BCKDHB: variants seen among roughly 807,000 people sequenced by gnomAD.
BCKDHB encodes the protein branched chain keto acid dehydrogenase E1 subunit beta, also known as 2-oxoisovalerate dehydrogenase subunit beta, mitochondrial.
In BCKDHB, 41 loss-of-function variants were observed where a neutral mutation model predicts 48.5. The observed-to-expected ratio is 0.85, with a 90% CI of 0.66 to 1.10. The LOEUF (loss-of-function observed/expected upper bound fraction) is 1.10. BCKDHB is among the 50% of genes least tolerant of loss of function. The pLI is 0.00. For missense variants in BCKDHB, 496 were observed against 494.2 expected, an observed-to-expected ratio of 1.00 and a Z score of -0.03; for synonymous variants, 201 against 174.8, an observed-to-expected ratio of 1.15 and a Z score of -1.18.
chr6:80,311,425 TGAA>T (rs1420860670), intron 9 of BCKDHB, among the ~76,000 whole-genome samples: 3 of 152,252 alleles, frequency 2.0e-5, no homozygotes, highest in Non-Finnish European at 2.9e-5. Flanking sequence ...CCTTTTGCTG[TGAA>T]GAAGCTCTTA....
chr6:80,343,652 C>T lies in BCKDHB; in HGVS notation c.1039-12C>T. ...AAATTCTTGAAGTTAAGCATCCTGA[C>T]TCTGTCTGCAGGAGGAATGTTTCTT... On this transcript the variant is annotated splice_polypyrimidine_tract_variant and intron_variant, in intron 9 of 9. Transcript: ENST00000320393. The T allele has an allele frequency of 1.2e-6, 2 of 1,613,908 alleles. No homozygotes were observed. The highest frequency in any genetic ancestry group is 1.7e-6 in the Non-Finnish European group (2 of 1,179,912).
At chr6:80,264,832 A>G (rs1361943312) in intron 8 of BCKDHB, among the ~76,000 whole-genome samples, 2 of 152,154 alleles carry the variant, frequency 1.3e-5, no homozygotes, top group Non-Finnish European at 2.9e-5. Context: ...AATTAGATGT[A>G]TTAAGCACCT....
the BCKDHB span, among the ~76,000 whole-genome samples, chr6:80,364,244 G>A: frequency 6.6e-6 from 1 of 152,086 alleles, no homozygotes; most frequent in Non-Finnish European, 1.5e-5. Flanking sequence ...GAAATGAATA[G>A]AACCAACTGA....
chr6:80,266,034 G>A (rs1309787229), intron 8 of BCKDHB, among the ~76,000 whole-genome samples: 1 of 152,072 alleles, frequency 6.6e-6, no homozygotes, highest in African/African-American at 2.4e-5. Context: ...TCCTGGAAGA[G>A]CCAGGAAGGG....
In BCKDHB at chr6:80,112,893, G is replaced by A. The variant is rs528763332; in HGVS notation, c.196+6004G>A. Among the ~76,000 whole-genome samples, 125 of 152,306 alleles carry A rather than the reference G, an allele frequency of 8.2e-4. 1 individual carries two copies. The highest frequency in any genetic ancestry group is 2.9e-3 in the African/African-American group (119 of 41,568). Reference sequence around the variant, plus strand: ...AAATTTGTTTTGTCCCTGGATGAAAGCCTCAACTTCTAGCATACTTATGAT... The same window carrying A: ...AAATTTGTTTTGTCCCTGGATGAAAACCTCAACTTCTAGCATACTTATGAT... On this transcript the variant is annotated intron_variant, in intron 1 of 9. Transcript: ENST00000320393.
chr6:80,405,055 TC>T, the BCKDHB span, among the ~76,000 whole-genome samples: 1 of 152,090 alleles, frequency 6.6e-6, no homozygotes, highest in Non-Finnish European at 1.5e-5. Context: ...TGGGTCCATT[TC>T]CTCTATAGTG....
intron 6 of BCKDHB, among the ~76,000 whole-genome samples, chr6:80,191,421 AT>A (rs1773889343): frequency 6.6e-6 from 1 of 152,126 alleles, no homozygotes; most frequent in South Asian, 2.1e-4. Context: ...TATTGGATTT[AT>A]GAAAACTGAG....
chr6:80,323,134 G>C (rs1384743490), intron 9 of BCKDHB, among the ~76,000 whole-genome samples: 1 of 151,978 alleles, frequency 6.6e-6, no homozygotes, highest in Non-Finnish European at 1.5e-5. Context: ...GATGATGAAG[G>C]TTCAGCCCTC....
intron 9 of BCKDHB, among the ~76,000 whole-genome samples, chr6:80,296,452 A>G (rs1293563938): frequency 2.0e-5 from 3 of 152,220 alleles, no homozygotes; most frequent in Non-Finnish European, 4.4e-5. Flanking sequence ...ACACATATGA[A>G]ACATATTTAT....
At chr6:80,456,412 C>G in the BCKDHB span, among the ~76,000 whole-genome samples, 4 of 152,034 alleles carry the variant, frequency 2.6e-5, no homozygotes, top group African/African-American at 9.7e-5. Context: ...TCTCACCTGC[C>G]CCATCATTCA....
chr6:80,152,532 C>T (rs1193896177), intron 3 of BCKDHB, among the ~76,000 whole-genome samples: 1 of 152,120 alleles, frequency 6.6e-6, no homozygotes, highest in Non-Finnish European at 1.5e-5. Flanking sequence ...GTCATATTCC[C>T]TGACACCCAA....
chr6:80,106,654 G>T (rs1416932436), upstream of BCKDHB: 6 of 1,541,944 alleles, frequency 3.9e-6, no homozygotes, highest in African/African-American at 1.4e-5. Flanking sequence ...CGCAGGCGGC[G>T]TGCGGCTGCA....
the BCKDHB span, among the ~76,000 whole-genome samples, chr6:80,463,959 T>A: frequency 6.6e-6 from 1 of 152,094 alleles, no homozygotes; most frequent in Non-Finnish European, 1.5e-5. Flanking sequence ...TCCTCCTACC[T>A]TCCCTACTTT....
chr6:80,196,202 A>G (rs1774121504), intron 6 of BCKDHB, among the ~76,000 whole-genome samples: 1 of 152,190 alleles, frequency 6.6e-6, no homozygotes, highest in Admixed American at 6.5e-5. Flanking sequence ...GGGACTTAGG[A>G]ATATAATTTA....
chr6:80,232,755 T>C (rs1775983296), intron 8 of BCKDHB, among the ~76,000 whole-genome samples: 1 of 81,856 alleles, frequency 1.2e-5, no homozygotes, highest in Non-Finnish European at 2.5e-5. Context: ...ATATGATATA[T>C]GTTATAGATA....
At chr6:80,386,693 G>C in the BCKDHB span, among the ~76,000 whole-genome samples, 1 of 152,236 alleles carries the variant, frequency 6.6e-6, no homozygotes, top group Non-Finnish European at 1.5e-5. Flanking sequence ...AATCAGAATA[G>C]TAGGACTTGT....
chr6:80,277,130 G>C (rs921827249), intron 9 of BCKDHB, among the ~76,000 whole-genome samples: 1 of 151,972 alleles, frequency 6.6e-6, no homozygotes, highest in African/African-American at 2.4e-5. Flanking sequence ...TTCTTTTAGG[G>C]AGTCATGAAT....
In BCKDHB at chr6:80,106,818, T is replaced by C; in HGVS notation, c.125T>C (p.Val42Ala). The change falls in exon 1 of 10, where the codon GTC becomes GCC. Residue 42 changes from valine (V) to alanine (A), a missense_variant. By Grantham distance (64) the Val-to-Ala change is moderately conservative. Coordinates refer to ENST00000320393, the MANE Select transcript of BCKDHB (RefSeq NM_183050.4). Reference protein sequence around the residue: ...ARGFLHPAATVEDAAQRRQVA... With the variant: ...ARGFLHPAATAEDAAQRRQVA... ...GGCTTTTTGCACCCCGCCGCGACTG[T>C]CGAGGATGCGGCCCAGAGGCGGCAG... 6.2e-7 allele frequency: 1 copy of C among 1,609,334 alleles called. No individual in the cohort carries two copies. The highest frequency in any genetic ancestry group is 8.5e-7 in the Non-Finnish European group (1 of 1,178,454).
chr6:80,195,394 A>C (rs1176253641), intron 6 of BCKDHB, among the ~76,000 whole-genome samples: 1 of 152,158 alleles, frequency 6.6e-6, no homozygotes, highest in African/African-American at 2.4e-5. Flanking sequence ...TCAGTGCTAA[A>C]AGTAACAGTT....
Sources: gnomAD v4.1 joint callset for allele counts (sites outside exome capture counted in the v4.1 genomes callset) on GRCh38, gnomAD v4.1.1 for gene constraint, MANE v1.5 for transcripts, NCBI Gene and HGNC (gene_info 2026-07-23, HGNC 2026-07-21) for gene names.